GLIS3: variants seen among roughly 807,000 people sequenced by gnomAD.
GLIS3 encodes zinc finger protein GLIS3.
GLIS3 carries 53 observed loss-of-function variants against 78.6 expected under a neutral mutation model. That is an observed-to-expected ratio of 0.67 (90% CI 0.54 to 0.85). GLIS3 has a LOEUF of 0.85. Ranked by LOEUF, GLIS3 falls within the 40% of genes least tolerant of loss-of-function variation. The pLI is 0.00. For missense variants in GLIS3, 1,703 were observed against 1,231.1 expected, an observed-to-expected ratio of 1.38 and a Z score of -5.74; for synonymous variants, 684 against 509.9, an observed-to-expected ratio of 1.34 and a Z score of -4.60.
chr9:4,018,546 T>C (rs149667156), intron 4 of GLIS3, among the ~76,000 whole-genome samples: 3 of 152,298 alleles, frequency 2.0e-5, no homozygotes, highest in African/African-American at 7.2e-5. Flanking sequence ...CACAGGTTCT[T>C]GGCTATCACT....
intron 4 of GLIS3, among the ~76,000 whole-genome samples, chr9:4,092,586 A>T (rs72687954): frequency 0.12 from 18,118 of 152,056 alleles, 1,159 homozygotes; most frequent in Non-Finnish European, 0.15. Flanking sequence ...GAATACACAC[A>T]TTATCCTAGG....
intron 2 of GLIS3, among the ~76,000 whole-genome samples, chr9:4,258,586 A>G (rs10122830): frequency 0.15 from 22,482 of 152,158 alleles, 1,780 homozygotes; most frequent in African/African-American, 0.17. Flanking sequence ...TAAAGAATTC[A>G]CATATCTGGA....
intron 2 of GLIS3, among the ~76,000 whole-genome samples, chr9:4,186,482 A>G (rs1228322708): frequency 6.6e-6 from 1 of 151,972 alleles, no homozygotes; most frequent in Non-Finnish European, 1.5e-5. Flanking sequence ...TCTTTATAGC[A>G]GCATGATTTA....
chr9:4,309,325 C>A (rs889261712), intron 3 of GLIS3, among the ~76,000 whole-genome samples: 12 of 152,158 alleles, frequency 7.9e-5, no homozygotes, highest in African/African-American at 2.4e-4. Flanking sequence ...AAAATTAAGA[C>A]TTGGCTGTAA....
At position 4,236,845 on chromosome 9, in the gene GLIS3, C is replaced by A. The variant is rs775734517; in HGVS notation, c.388+49193G>T. ...AAACTGGAAAAACAAATCCTTCCAA[C>A]TGAGACTAAAACTTCCCTTCTGATT... is the stretch of plus-strand genomic sequence containing the variant. On this transcript the variant is annotated intron_variant, in intron 2 of 10. Coordinates refer to ENST00000381971, the MANE Select transcript of GLIS3 (RefSeq NM_001042413.2). Among the ~76,000 whole-genome samples the A allele has an allele frequency of 8.7e-4, 132 of 152,192 alleles. 1 individual carries two copies. The highest frequency in any genetic ancestry group is 9.0e-4 in the Non-Finnish European group (61 of 68,028).
chr9:4,298,007 C>T (rs1027303542), intron 1 of GLIS3, among the ~76,000 whole-genome samples: 4 of 152,190 alleles, frequency 2.6e-5, no homozygotes, highest in African/African-American at 9.6e-5. Flanking sequence ...CCGTCACTCC[C>T]CCGCCGCCTC....
chr9:4,082,647 C>T (rs777670981), intron 4 of GLIS3, among the ~76,000 whole-genome samples: 2 of 152,124 alleles, frequency 1.3e-5, no homozygotes, highest in South Asian at 2.1e-4. Context: ...GAAGGATTCA[C>T]GAAACTTTGA....
intron 2 of GLIS3, among the ~76,000 whole-genome samples, chr9:4,343,248 G>A (rs1035170245): frequency 8.5e-5 from 13 of 152,224 alleles, no homozygotes; most frequent in African/African-American, 3.1e-4. Context: ...AGGCTGAGGT[G>A]GGAAGATTGC....
intron 4 of GLIS3, among the ~76,000 whole-genome samples, chr9:4,041,790 G>C (rs1003150090): frequency 2.0e-5 from 3 of 152,148 alleles, no homozygotes; most frequent in African/African-American, 7.2e-5. Flanking sequence ...TCTCTTGCTT[G>C]AGTCACTATT....
chr9:4,185,724 G>C (rs1401065539), intron 2 of GLIS3, among the ~76,000 whole-genome samples: 2 of 152,158 alleles, frequency 1.3e-5, no homozygotes, highest in East Asian at 1.9e-4. Flanking sequence ...GCTCTTTCTA[G>C]CTAGGACCAT....
chr9:4,228,029 C>G, intron 2 of GLIS3, among the ~76,000 whole-genome samples: 1 of 152,034 alleles, frequency 6.6e-6, no homozygotes, highest in East Asian at 1.9e-4. Flanking sequence ...TTCTCATCCT[C>G]AAACCAGGAG....
chr9:4,283,381 T>C (rs1209542923), intron 2 of GLIS3, among the ~76,000 whole-genome samples: 1 of 151,772 alleles, frequency 6.6e-6, no homozygotes, highest in Non-Finnish European at 1.5e-5. Flanking sequence ...TTCTCCTGCC[T>C]CAGCCTCCCG....
chr9:4,387,967 T>C, the GLIS3 span, among the ~76,000 whole-genome samples: 1 of 152,212 alleles, frequency 6.6e-6, no homozygotes, highest in African/African-American at 2.4e-5. Context: ...GATGCCCTTT[T>C]AGAAGAGTGA....
At chr9:4,480,834 T>C in the GLIS3 span, among the ~76,000 whole-genome samples, 1 of 140,378 alleles carries the variant, frequency 7.1e-6, no homozygotes, top group African/African-American at 2.8e-5. Context: ...ACACCTTCAT[T>C]GAAAAAAAAA....
chr9:4,334,399 G>C (rs959337538), intron 2 of GLIS3, among the ~76,000 whole-genome samples: 2 of 152,204 alleles, frequency 1.3e-5, no homozygotes, highest in African/African-American at 2.4e-5. Flanking sequence ...CAAGGAGCTG[G>C]TGGCTGGAGA....
the GLIS3 span, among the ~76,000 whole-genome samples, chr9:4,367,880 G>A: frequency 1.3e-5 from 2 of 152,132 alleles, no homozygotes; most frequent in Non-Finnish European, 2.9e-5. Flanking sequence ...TTAATACAAC[G>A]AGGGAAAATG....
chr9:3,905,164 C>CTTTTTTTTTTTTTTTTTTTTTT (rs1563834122), intron 6 of GLIS3, among the ~76,000 whole-genome samples: 1 of 133,356 alleles, frequency 7.5e-6, no homozygotes. Context: ...TTTTTTTTTG[C>CTTTTTTTTTTTTTTTTTTTTTT]TATTTTTAGT....
intron 2 of GLIS3, among the ~76,000 whole-genome samples, chr9:4,280,170 C>T (rs1042151999): frequency 6.6e-6 from 1 of 152,170 alleles, no homozygotes; most frequent in African/African-American, 2.4e-5. Context: ...CAGGCACATG[C>T]CAACACACCC....
chr9:4,212,563 T>C (rs1820469388), intron 2 of GLIS3, among the ~76,000 whole-genome samples: 2 of 152,198 alleles, frequency 1.3e-5, no homozygotes, highest in Admixed American at 6.5e-5. Context: ...AAGACACACA[T>C]GGCACACAGG....
Sources: gnomAD v4.1 joint callset for allele counts (sites outside exome capture counted in the v4.1 genomes callset) on GRCh38, gnomAD v4.1.1 for gene constraint, MANE v1.5 for transcripts, NCBI Gene and HGNC (gene_info 2026-07-23, HGNC 2026-07-21) for gene names.